The following NFIB variants were observed in gnomAD, a reference collection of about 807,000 sequenced individuals.
NFIB encodes nuclear factor I B, also known as nuclear factor 1 B-type.
In NFIB, 11 loss-of-function variants were observed where a neutral mutation model predicts 61.5. The ratio of observed to expected loss-of-function variants is 0.18; its 90% CI spans 0.11 to 0.30. The LOEUF (loss-of-function observed/expected upper bound fraction) is 0.30, where lower values mean the gene tolerates loss of function less well. Among genes scored for constraint, NFIB ranks in the 10% least tolerant of loss-of-function variants. The pLI, the probability that NFIB is intolerant of heterozygous loss-of-function variation, is 1.00. For synonymous variants in NFIB, 260 were observed against 216.5 expected (o/e 1.20, Z -1.76); for missense variants, 471 against 608.9 (o/e 0.77, Z 2.38).
intron 1 of NFIB, among the ~76,000 whole-genome samples, chr9:14,355,828 G>C (rs908371917): frequency 3.9e-4 from 59 of 152,080 alleles, no homozygotes; most frequent in African/African-American, 1.4e-3. Flanking sequence ...GTGGTGGCGG[G>C]TGCCTGTAGT....
chr9:14,192,887 T>TA (rs1347655223), intron 2 of NFIB, among the ~76,000 whole-genome samples: 2 of 152,150 alleles, frequency 1.3e-5, no homozygotes, highest in African/African-American at 2.4e-5. Flanking sequence ...ATCTGACAGA[T>TA]ACATTTGTTT....
chr9:14,120,204 A>G lies in NFIB; in HGVS notation c.1245+236T>C, dbSNP rs1386821895. 6.6e-6 allele frequency among the ~76,000 whole-genome samples: 1 copy of G among 152,186 alleles called. No individual in the cohort carries two copies. Among genetic ancestry groups the G allele is most frequent in the Non-Finnish European group, 1.5e-5 (1 of 68,036 alleles). On this transcript the variant is annotated intron_variant, in intron 8 of 10. Transcript: ENST00000380953. The surrounding 1 kb of genome is among the most constrained non-coding windows in gnomAD (Gnocchi z 4.4). The stretch of plus-strand genomic sequence containing the variant: ...GCATAAACTTTCCCTTCAGTCAGTG[A>G]AAATCCAAAAACATTAAACCATCTT...
chr9:14,445,263 G>A, the NFIB span, among the ~76,000 whole-genome samples: 2 of 151,978 alleles, frequency 1.3e-5, no homozygotes, highest in African/African-American at 2.4e-5. Context: ...ACATATCATT[G>A]CAAATAGTGA....
chr9:14,162,815 A>C (rs1184169155), intron 3 of NFIB, among the ~76,000 whole-genome samples: 3 of 151,992 alleles, frequency 2.0e-5, no homozygotes, highest in African/African-American at 7.2e-5. Context: ...AAAAAATTCA[A>C]TTTTTCAGAT....
the NFIB span, among the ~76,000 whole-genome samples, chr9:14,428,850 A>G: frequency 4.6e-5 from 7 of 152,300 alleles, no homozygotes; most frequent in East Asian, 1.4e-3. Context: ...ACGTCTGGTA[A>G]GATTAGGATA....
the NFIB span, among the ~76,000 whole-genome samples, chr9:14,424,332 T>G: frequency 6.6e-6 from 1 of 152,172 alleles, no homozygotes; most frequent in Non-Finnish European, 1.5e-5. Flanking sequence ...GAACACTGTT[T>G]CTAGGAGATG....
At chr9:14,419,242 T>C in the NFIB span, among the ~76,000 whole-genome samples, 1 of 148,788 alleles carries the variant, frequency 6.7e-6, no homozygotes, top group African/African-American at 2.5e-5. Flanking sequence ...CTTGGAAACT[T>C]TTCATAGGGG....
In NFIB at chr9:14,351,032, G is replaced by A. The variant is rs186569439; in HGVS notation, c.109-43512C>T. 3.2e-3 allele frequency among the ~76,000 whole-genome samples: 482 copies of A among 152,314 alleles called. 1 individual carries two copies. Among genetic ancestry groups the A allele is most frequent in the African/African-American group, 0.011 (460 of 41,560 alleles). On this transcript the variant is annotated intron_variant, in intron 1 of 8. Transcript: ENST00000380934. ...CTCGGAGGGAAATCTCCCGTTCTGA[G>A]TGGCGTAGGAAATGAATCAGCTGTG...
At chr9:14,207,395 C>T (rs1181975196) in intron 2 of NFIB, among the ~76,000 whole-genome samples, 1 of 151,538 alleles carries the variant, frequency 6.6e-6, no homozygotes, top group Non-Finnish European at 1.5e-5. Context: ...AAAAGCCTCC[C>T]TTGAGTGGAG....
At chr9:14,465,728 T>C in the NFIB span, among the ~76,000 whole-genome samples, 1 of 151,968 alleles carries the variant, frequency 6.6e-6, no homozygotes, top group Non-Finnish European at 1.5e-5. Flanking sequence ...ATGGAACATG[T>C]TGGGGAGACA....
rs116052886 is a variant in NFIB at position 14,236,859 on chromosome 9, A to T, written c.563-57079T>A. Among the ~76,000 whole-genome samples, 802 of 152,076 alleles carry T rather than the reference A, an allele frequency of 5.3e-3. 3 individuals are homozygous for T. The highest frequency in any genetic ancestry group is 0.012 in the African/African-American group (509 of 41,528). ...AATTTTGGCTTCTCTTTAAAAAAAA[A>T]AAAATAAAAACACAAAAAAGCCACT... On this transcript the variant is annotated intron_variant, in intron 2 of 10. Coordinates refer to ENST00000380953, the MANE Select transcript of NFIB (RefSeq NM_001190737.2).
intron 2 of NFIB, among the ~76,000 whole-genome samples, chr9:14,180,108 A>T (rs1263105238): frequency 6.6e-6 from 1 of 152,240 alleles, no homozygotes; most frequent in Admixed American, 6.5e-5. Context: ...TGTCAGTAGC[A>T]ATATGAAATA....
the NFIB span, among the ~76,000 whole-genome samples, chr9:14,419,343 C>G: frequency 6.7e-6 from 1 of 149,824 alleles, no homozygotes; most frequent in Admixed American, 6.6e-5. Context: ...GAAAAGCAGA[C>G]TTGAAGTGAG....
At chr9:14,187,213 CTTTGTTA>C (rs1209251419) in intron 2 of NFIB, among the ~76,000 whole-genome samples, 1 of 151,940 alleles carries the variant, frequency 6.6e-6, no homozygotes, top group Non-Finnish European at 1.5e-5. Context: ...AACTTTATCA[CTTTGTTA>C]ATGGAATCCC....
At chr9:14,429,585 G>C in the NFIB span, among the ~76,000 whole-genome samples, 1 of 152,218 alleles carries the variant, frequency 6.6e-6, no homozygotes, top group Non-Finnish European at 1.5e-5. Flanking sequence ...GAGCTACAGA[G>C]GGAAGAAATA....
At chr9:14,321,465 A>T (rs2060658068) in intron 1 of NFIB, among the ~76,000 whole-genome samples, 1 of 152,256 alleles carries the variant, frequency 6.6e-6, no homozygotes, top group Admixed American at 6.5e-5. Context: ...AGAGTTAAAT[A>T]GTACTTCTTT....
At chr9:14,135,870 G>T (rs553500796) in intron 6 of NFIB, among the ~76,000 whole-genome samples, 6 of 152,036 alleles carry the variant, frequency 3.9e-5, no homozygotes, top group Non-Finnish European at 8.8e-5. Flanking sequence ...TTTAATTACT[G>T]AGTTATTTAA....
At chr9:14,449,227 C>A in the NFIB span, among the ~76,000 whole-genome samples, 3 of 152,148 alleles carry the variant, frequency 2.0e-5, no homozygotes, top group Non-Finnish European at 2.9e-5. Flanking sequence ...AGGGTCCAAC[C>A]AAAGTCTCAT....
At chr9:14,247,088 T>C (rs1587901365) in intron 2 of NFIB, among the ~76,000 whole-genome samples, 1 of 152,124 alleles carries the variant, frequency 6.6e-6, no homozygotes, top group Non-Finnish European at 1.5e-5. Context: ...CCAATGATGC[T>C]AATTCCCTGA....
Sources: gnomAD v4.1 joint callset for allele counts (sites outside exome capture counted in the v4.1 genomes callset) on GRCh38, gnomAD v4.1.1 for gene constraint, Gnocchi (gnomAD v3.1) non-coding constraint, MANE v1.5 for transcripts, NCBI Gene and HGNC (gene_info 2026-07-23, HGNC 2026-07-21) for gene names.